Variants in SLC24A2 observed in about 807,000 individuals in gnomAD.
SLC24A2 encodes the protein solute carrier family 24 member 2, also known as sodium/potassium/calcium exchanger 2.
Under a neutral mutation model 62.0 loss-of-function variants are expected in SLC24A2, and 36 were observed. The observed-to-expected ratio is 0.58, with a 90% CI of 0.44 to 0.77. SLC24A2 has a LOEUF of 0.77. SLC24A2 is among the 30% of genes least tolerant of loss of function. The pLI is 0.00. For missense variants in SLC24A2, 846 were observed against 817.9 expected, an observed-to-expected ratio of 1.03 and a Z score of -0.42; for synonymous variants, 358 against 294.0, an observed-to-expected ratio of 1.22 and a Z score of -2.23.
At chr9:20,201,826 C>T in the SLC24A2 span, among the ~76,000 whole-genome samples, 1 of 152,114 alleles carries the variant, frequency 6.6e-6, no homozygotes, top group Non-Finnish European at 1.5e-5. Flanking sequence ...AGTCAGCTGC[C>T]ACTTTCCCAC....
the SLC24A2 span, among the ~76,000 whole-genome samples, chr9:19,861,940 C>T: frequency 9.2e-5 from 14 of 152,102 alleles, no homozygotes; most frequent in Middle Eastern, 3.4e-3. Flanking sequence ...AGCATGTCTA[C>T]GGGATCTAGA....
chr9:20,080,454 T>A, the SLC24A2 span, among the ~76,000 whole-genome samples: 4 of 152,262 alleles, frequency 2.6e-5, no homozygotes, highest in South Asian at 8.3e-4. Flanking sequence ...ATCCCTTCCT[T>A]ACACCTTATA....
chr9:20,228,704 A>C, the SLC24A2 span, among the ~76,000 whole-genome samples: 1 of 152,174 alleles, frequency 6.6e-6, no homozygotes, highest in African/African-American at 2.4e-5. Context: ...GATGACCCTT[A>C]GGAGGGTATA....
At chr9:19,737,422 T>C (rs1193611013) in intron 2 of SLC24A2, among the ~76,000 whole-genome samples, 2 of 152,170 alleles carry the variant, frequency 1.3e-5, no homozygotes, top group African/African-American at 2.4e-5. Context: ...GTGTGAATGA[T>C]GGTGTCATAA....
the SLC24A2 span, among the ~76,000 whole-genome samples, chr9:20,076,068 T>A: frequency 7.2e-5 from 11 of 152,212 alleles, no homozygotes; most frequent in Admixed American, 3.9e-4. Context: ...AAAGTCTGAA[T>A]GCTTTCCGTA....
the SLC24A2 span, among the ~76,000 whole-genome samples, chr9:20,232,216 C>T: frequency 6.6e-6 from 1 of 152,112 alleles, no homozygotes; most frequent in Non-Finnish European, 1.5e-5. Flanking sequence ...TGTGTCTCTG[C>T]CAGGCTTTGG....
the SLC24A2 span, among the ~76,000 whole-genome samples, chr9:20,089,297 C>A: frequency 1.3e-5 from 2 of 152,122 alleles, no homozygotes; most frequent in African/African-American, 4.8e-5. Context: ...ACACTTCTCA[C>A]TGGGGAGGGC....
At chr9:20,139,836 G>A in the SLC24A2 span, among the ~76,000 whole-genome samples, 1 of 152,176 alleles carries the variant, frequency 6.6e-6, no homozygotes, top group African/African-American at 2.4e-5. Flanking sequence ...AAAAAGCACT[G>A]ATGCTTCTGG....
intron 8 of SLC24A2, 47 bp downstream of exon 8, chr9:19,550,090 G>A (rs1563955794): frequency 1.3e-6 from 2 of 1,591,516 alleles, no homozygotes; most frequent in South Asian, 1.1e-5. Context: ...ACCCTGTTAT[G>A]TACCATATGT....
intron 5 of SLC24A2, among the ~76,000 whole-genome samples, chr9:19,595,961 T>C (rs752496851): frequency 3.3e-5 from 5 of 152,214 alleles, no homozygotes; most frequent in African/African-American, 1.2e-4. Context: ...GGTTCTGTCA[T>C]TGGACCTCTT....
the SLC24A2 span, among the ~76,000 whole-genome samples, chr9:20,230,846 C>T: frequency 0.033 from 5,071 of 152,204 alleles, 250 homozygotes; most frequent in African/African-American, 0.11. Context: ...AGGTTTTCTT[C>T]TAGGGTTTTT....
chr9:19,961,234 TA>T, the SLC24A2 span, among the ~76,000 whole-genome samples: 402 of 149,220 alleles, frequency 2.7e-3, 2 homozygotes, highest in African/African-American at 8.1e-3. Flanking sequence ...ATAATAATAA[TA>T]AAAAAAAAGA....
Position 19,706,886 on chromosome 9 carries a change from G to C in SLC24A2, c.930+79051C>G, listed in dbSNP as rs1207943206. Among the ~76,000 whole-genome samples, 12 of 151,880 alleles carry C rather than the reference G, an allele frequency of 7.9e-5. No individual in the cohort carries two copies. The East Asian group carries it at 2.3e-3, about 29-fold the overall frequency. On this transcript the variant is annotated intron_variant, in intron 2 of 10. Transcript: ENST00000341998. ...CAAACACATTCAAAAGCTAGCGGAA[G>C]GCAAGAAATAACTAAAATCAGAGCA...
chr9:19,865,391 C>T, the SLC24A2 span, among the ~76,000 whole-genome samples: 26 of 152,130 alleles, frequency 1.7e-4, no homozygotes, highest in African/African-American at 5.3e-4. Context: ...GACCCAGAAT[C>T]GCCAAAGCTG....
rs1346168469 is a variant in SLC24A2 at position 19,707,560 on chromosome 9, T to C, written c.930+78377A>G. Among the ~76,000 whole-genome samples the C allele has an allele frequency of 2.0e-5, 3 of 152,288 alleles. No homozygotes were observed. In the East Asian group the frequency reaches 5.8e-4, roughly 29 times the overall value. Reference sequence around the variant, plus strand: ...ACATCAAAAAGCTTATCCACCATGATCAAGTGGGCTTCATCCCTGGGATGC... The same window carrying C: ...ACATCAAAAAGCTTATCCACCATGACCAAGTGGGCTTCATCCCTGGGATGC... On this transcript the variant is annotated intron_variant, in intron 2 of 10. Transcript: ENST00000341998.
chr9:20,278,629 G>C, the SLC24A2 span, among the ~76,000 whole-genome samples: 1 of 152,114 alleles, frequency 6.6e-6, no homozygotes, highest in Admixed American at 6.6e-5. Flanking sequence ...TCAGCATTTT[G>C]GTCAAAGCCA....
the SLC24A2 span, among the ~76,000 whole-genome samples, chr9:20,290,574 G>A: frequency 4.6e-5 from 7 of 152,340 alleles, no homozygotes; most frequent in South Asian, 1.2e-3. Context: ...GCGCTTTAGC[G>A]GCTGGAATGA....
At chr9:20,157,726 AAG>A in the SLC24A2 span, among the ~76,000 whole-genome samples, 2 of 151,692 alleles carry the variant, frequency 1.3e-5, no homozygotes, top group Admixed American at 1.3e-4. Flanking sequence ...TGAAGAGAAA[AAG>A]AGAAATAAAA....
At chr9:20,305,264 C>T in the SLC24A2 span, among the ~76,000 whole-genome samples, 1 of 151,932 alleles carries the variant, frequency 6.6e-6, no homozygotes. Flanking sequence ...TGTGCTACAA[C>T]GCCTGGCTAA....
Sources: allele counts gnomAD v4.1 joint callset (sites outside exome capture counted in the v4.1 genomes callset), GRCh38; gene constraint gnomAD v4.1.1; transcripts MANE v1.5; gene names NCBI Gene and HGNC (gene_info 2026-07-23, HGNC 2026-07-21).